Variants in ADRA1A observed in about 807,000 individuals in gnomAD.
The protein encoded by ADRA1A is alpha-1A adrenergic receptor.
Under a neutral mutation model 29.6 loss-of-function variants are expected in ADRA1A, and 31 were observed. The observed-to-expected ratio is 1.05, with a 90% confidence interval of 0.79 to 1.41. The LOEUF is 1.41. ADRA1A is among the 40% of genes most tolerant of loss of function. ADRA1A has a pLI of 0.00. For synonymous variants in ADRA1A, 311 were observed against 254.3 expected, an observed-to-expected ratio of 1.22 and a Z score of -2.12; for missense variants, 619 against 601.1, an observed-to-expected ratio of 1.03 and a Z score of -0.31.
intron 2 of ADRA1A, among the ~76,000 whole-genome samples, chr8:26,786,255 G>C (rs1301163719): frequency 6.7e-6 from 1 of 149,730 alleles, no homozygotes; most frequent in Non-Finnish European, 1.5e-5. Context: ...TTTTTTTTGA[G>C]ATAAGGTCTC....
chr8:26,761,092 T>C (rs375506602), downstream of ADRA1A, among the ~76,000 whole-genome samples: 6 of 152,340 alleles, frequency 3.9e-5, no homozygotes, highest in South Asian at 1.2e-3. Context: ...AGTTCTCCTC[T>C]AGTTGAGAAG....
chr8:26,776,353 A>T (rs1435425390), intron 2 of ADRA1A, among the ~76,000 whole-genome samples: 1 of 152,156 alleles, frequency 6.6e-6, no homozygotes, highest in South Asian at 2.1e-4. Context: ...TCTGCGCTTC[A>T]TTTTACCCCC....
Position 26,770,279 on chromosome 8 carries a change from AC to A in ADRA1A, c.1270del (p.Val424Ter). On this transcript the variant is annotated frameshift_variant, in exon 3 of 3. Coordinates refer to ENST00000380573, the MANE Select transcript of ADRA1A (RefSeq NM_000680.4). LOFTEE classifies it high-confidence loss of function. ...GACCTGCAAAAAGCTTTTACTTCTC[AC>A]CCGGGCTGTGGTACAGGAGGATTGG... ...KDQSSCTTAR[V>X]RSKSFLQVCC... is the part of the protein sequence containing the mutation. 6.2e-7 allele frequency: 1 copy of A among 1,614,072 alleles called. No homozygotes were observed.
chr8:26,842,198 G>A (rs948691017), intron 2 of ADRA1A, among the ~76,000 whole-genome samples: 1 of 152,150 alleles, frequency 6.6e-6, no homozygotes, highest in Non-Finnish European at 1.5e-5. Flanking sequence ...TGGAGCTATG[G>A]AGTACTTGAA....
intron 2 of ADRA1A, among the ~76,000 whole-genome samples, chr8:26,790,141 G>A (rs1241701883): frequency 2.0e-5 from 3 of 152,108 alleles, no homozygotes; most frequent in Non-Finnish European, 1.5e-5. Context: ...GTACCTTTAA[G>A]GGATCTCTGC....
chr8:26,809,787 C>T (rs955383987), intron 2 of ADRA1A, among the ~76,000 whole-genome samples: 1 of 152,162 alleles, frequency 6.6e-6, no homozygotes, highest in African/African-American at 2.4e-5. Flanking sequence ...TTGATTTAGC[C>T]TCAATAAATG....
intron 2 of ADRA1A, among the ~76,000 whole-genome samples, chr8:26,782,493 C>T (rs1253535689): frequency 6.6e-6 from 1 of 152,156 alleles, no homozygotes; most frequent in Non-Finnish European, 1.5e-5. Flanking sequence ...TGATTATAGA[C>T]ATTTTTGAAA....
At chr8:26,807,388 A>G (rs918185906) in intron 2 of ADRA1A, among the ~76,000 whole-genome samples, 7 of 152,246 alleles carry the variant, frequency 4.6e-5, no homozygotes, top group Non-Finnish European at 8.8e-5. Flanking sequence ...AAAGCAATAC[A>G]AATGTTTGGC....
intron 2 of ADRA1A, among the ~76,000 whole-genome samples, chr8:26,855,843 G>A (rs1813009252): frequency 6.6e-6 from 1 of 152,184 alleles, no homozygotes; most frequent in Admixed American, 6.5e-5. Context: ...CCAAATAGCA[G>A]GGCTAAAATA....
At chr8:26,851,305 CTAGAAAGT>C (rs1812612653) in intron 2 of ADRA1A, among the ~76,000 whole-genome samples, 1 of 152,102 alleles carries the variant, frequency 6.6e-6, no homozygotes, top group Non-Finnish European at 1.5e-5. Context: ...TTTTGAAAAA[CTAGAAAGT>C]TATGTCTAGT....
In ADRA1A at chr8:26,779,380, G is replaced by A. The variant is rs778085459; in HGVS notation, c.884-8714C>T. The A allele has an allele frequency of 9.8e-5, 69 of 702,610 alleles. 2 individuals are homozygous for A. The highest frequency in any genetic ancestry group is 8.6e-4 in the South Asian group (58 of 67,532). 43.5% of individuals were successfully genotyped at this position (702,610 alleles called of 1,614,324 possible). The stretch of plus-strand genomic sequence containing the variant: ...AGCACTGCTGCATGGTGAACTGGTT[G>A]TTTAAAGCTGGGTGAGTCATTTTTT... On this transcript the variant is annotated intron_variant, in intron 2 of 2. Transcript: ENST00000380573.
intron 2 of ADRA1A, among the ~76,000 whole-genome samples, chr8:26,839,598 C>T (rs975570608): frequency 7.9e-5 from 12 of 152,078 alleles, no homozygotes; most frequent in Admixed American, 3.3e-4. Context: ...TCCTGTCTGG[C>T]GCCTGGTAGA....
rs1034030106 is a variant in ADRA1A, at chr8:26,866,287, C to A, written c.-686-632G>T. 1.6e-4 allele frequency among the ~76,000 whole-genome samples: 25 copies of A among 152,216 alleles called. No homozygotes were observed. Among genetic ancestry groups the A allele is most frequent in the African/African-American group, 5.8e-4 (24 of 41,460 alleles). ...GGAGGGACCCGAAGACAGAAAGCGA[C>A]CCAGGTCTGTCCACGACGCCTTTCC... On this transcript the variant is annotated intron_variant, in intron 1 of 2. Transcript: ENST00000380573. This position sits in a 1 kb window ranked among gnomAD's most constrained non-coding sequence, Gnocchi z 5.7.
chr8:26,833,300 C>A (rs533392890), intron 2 of ADRA1A, among the ~76,000 whole-genome samples: 1 of 152,126 alleles, frequency 6.6e-6, no homozygotes, highest in African/African-American at 2.4e-5. Flanking sequence ...ACCCAGCCCC[C>A]CATCGTCTTA....
At chr8:26,834,126 T>C (rs529518905) in intron 2 of ADRA1A, among the ~76,000 whole-genome samples, 1 of 152,346 alleles carries the variant, frequency 6.6e-6, no homozygotes, top group Non-Finnish European at 1.5e-5. Context: ...GTAATTAGAA[T>C]GTAAATATTC....
chr8:26,822,261 A>G (rs1174017516), intron 2 of ADRA1A, among the ~76,000 whole-genome samples: 1 of 152,240 alleles, frequency 6.6e-6, no homozygotes, highest in Non-Finnish European at 1.5e-5. Flanking sequence ...GTGTCTTGAT[A>G]TGAGAGCAAA....
At position 26,847,126 on chromosome 8, in the gene ADRA1A, G is replaced by A. The variant is rs186629681; in HGVS notation, c.883+16961C>T. Among the ~76,000 whole-genome samples the A allele has an allele frequency of 4.0e-3, 604 of 152,170 alleles. 1 individual carries two copies. Among genetic ancestry groups the A allele is most frequent in the Non-Finnish European group, 5.7e-3 (391 of 68,016 alleles). Reference sequence around the variant, plus strand: ...GGAGATATACCTAATGCTAGATGACGAGTTAGTGGGTACAGCGCACCAGCA... The same window carrying A: ...GGAGATATACCTAATGCTAGATGACAAGTTAGTGGGTACAGCGCACCAGCA... On this transcript the variant is annotated intron_variant, in intron 2 of 2. Transcript: ENST00000380573.
At chr8:26,834,265 T>C (rs1300735420) in intron 2 of ADRA1A, among the ~76,000 whole-genome samples, 5 of 152,204 alleles carry the variant, frequency 3.3e-5, no homozygotes, top group African/African-American at 1.2e-4. Context: ...GGGATCGAAG[T>C]CTTTAGGTTG....
chr8:26,841,826 A>G lies in ADRA1A; in HGVS notation c.883+22261T>C, dbSNP rs941237860. On this transcript the variant is annotated intron_variant, in intron 2 of 2. Transcript: ENST00000380573. The surrounding 1 kb of genome is among the most constrained non-coding windows in gnomAD (Gnocchi z 4.4). ...TTTTTTCTCCTTTTCTTTCCCCTTG[A>G]CTTCTCTGCTGCATTTGATATTGGC... Among the ~76,000 whole-genome samples, 1 of 151,852 alleles carries G rather than the reference A, an allele frequency of 6.6e-6. No individual in the cohort carries two copies. Among genetic ancestry groups the G allele is most frequent in the African/African-American group, 2.4e-5 (1 of 41,320 alleles).
Sources: allele counts gnomAD v4.1 joint callset (sites outside exome capture counted in the v4.1 genomes callset), GRCh38; gene constraint gnomAD v4.1.1; non-coding constraint Gnocchi (gnomAD v3.1); transcripts MANE v1.5; gene names NCBI Gene and HGNC (gene_info 2026-07-23, HGNC 2026-07-21).